FYTTD1: variants seen among roughly 807,000 people sequenced by gnomAD.
FYTTD1 encodes the protein forty-two-three domain containing 1.
Under a neutral mutation model 40.9 loss-of-function variants are expected in FYTTD1, and 22 were observed. The observed-to-expected ratio is 0.54, with a 90% CI of 0.38 to 0.77. The LOEUF is 0.77. FYTTD1 is among the 30% of genes least tolerant of loss of function. The pLI is 0.00. For missense variants in FYTTD1, 351 were observed against 392.2 expected, an observed-to-expected ratio of 0.90 and a Z score of 0.89; for synonymous variants, 140 against 137.9, an observed-to-expected ratio of 1.01 and a Z score of -0.10.
chr3:197,765,042 G>A (rs1259966052), intron 2 of FYTTD1, among the ~76,000 whole-genome samples: 2 of 151,898 alleles, frequency 1.3e-5, no homozygotes, highest in African/African-American at 2.4e-5. Context: ...TAGTAGAGAC[G>A]AGGTTTCACC....
intron 1 of FYTTD1, chr3:197,750,616 G>T: frequency 1.5e-5 from 15 of 985,400 alleles, no homozygotes; most frequent in Non-Finnish European, 1.8e-5. Context: ...TGGCTGCCGG[G>T]CGCGACTCTC....
At chr3:197,767,498 T>A (rs1394176247) in intron 2 of FYTTD1, among the ~76,000 whole-genome samples, 1 of 151,350 alleles carries the variant, frequency 6.6e-6, no homozygotes, top group Non-Finnish European at 1.5e-5. Flanking sequence ...TATTTATTTA[T>A]TTTTTAATCT....
chr3:197,757,239 C>G (rs1029696861), intron 2 of FYTTD1, among the ~76,000 whole-genome samples: 28 of 152,176 alleles, frequency 1.8e-4, no homozygotes, highest in African/African-American at 6.8e-4. Context: ...TTATAACCAT[C>G]TTGATTGAAG....
Position 197,782,725 on chromosome 3 carries a change from G to T in FYTTD1, c.*816G>T, listed in dbSNP as rs1189073099. 1 of 152,172 alleles carries T rather than the reference G, an allele frequency of 6.6e-6. No homozygotes were observed. The highest frequency in any genetic ancestry group is 2.4e-5 in the African/African-American group (1 of 41,438). The allele number at this position is 152,172 out of a possible 1,614,324, so 9.4% of individuals were successfully genotyped here. ...ACACTTCAAAACCCTGGTTATAGAT[G>T]TACTGTTTGGATGTAGCATAGTCTT... On this transcript the variant is annotated 3_prime_UTR_variant, in exon 9 of 9. Coordinates refer to ENST00000241502, the MANE Select transcript of FYTTD1 (RefSeq NM_032288.7).
intron 2 of FYTTD1, among the ~76,000 whole-genome samples, chr3:197,767,074 C>A (rs534030): frequency 0.75 from 112,214 of 149,572 alleles, 43,808 homozygotes; most frequent in East Asian, 0.94. Context: ...TTAATTTACC[C>A]CCTTTTTTTT....
intron 2 of FYTTD1, among the ~76,000 whole-genome samples, chr3:197,766,460 T>TGTGTGTGTGTGTGTGTGTGTGTGTGTG (rs56732488): frequency 1.3e-5 from 2 of 150,736 alleles, no homozygotes; most frequent in South Asian, 2.1e-4. Context: ...TGTGTGTGTG[T>TGTGTGTGTGTGTGTGTGTGTGTGTGTG]TTGAGACAGG....
chr3:197,766,678 A>C (rs1729560377), intron 2 of FYTTD1, among the ~76,000 whole-genome samples: 1 of 152,010 alleles, frequency 6.6e-6, no homozygotes, highest in Non-Finnish European at 1.5e-5. Context: ...CCTGGGCTCA[A>C]GCAATCCATC....
At chr3:197,778,214 TGAGAACA>T in intron 7 of FYTTD1, 117 bp from the exon 8 acceptor site, 1 of 630,726 alleles carries the variant, frequency 1.6e-6, no homozygotes. Context: ...ACTTTTTTTT[TGAGAACA>T]CAAATAAAAT....
At chr3:197,754,294 G>C (rs990886502) in intron 1 of FYTTD1, among the ~76,000 whole-genome samples, 1 of 152,084 alleles carries the variant, frequency 6.6e-6, no homozygotes, top group Non-Finnish European at 1.5e-5. Context: ...TTTTACAAAA[G>C]TTTTTGAGTG....
intron 2 of FYTTD1, among the ~76,000 whole-genome samples, chr3:197,758,834 C>G (rs1223196427): frequency 1.3e-5 from 2 of 152,188 alleles, no homozygotes. Flanking sequence ...AGGATGTTAG[C>G]TTGAGGTAAG....
chr3:197,768,596 A>G lies in FYTTD1; in HGVS notation c.384+9A>G. ...CACCTCTAAGTGACAAGGTAGGATG[A>G]TGGCTTAATCCTGGATTAGATATCC... On this transcript the variant is annotated intron_variant, in intron 3 of 8. Coordinates refer to ENST00000241502, the MANE Select transcript of FYTTD1 (RefSeq NM_032288.7). 2 of 1,608,724 alleles carry G rather than the reference A, an allele frequency of 1.2e-6. No homozygotes were observed. Among genetic ancestry groups the G allele is most frequent in the Non-Finnish European group, 1.7e-6 (2 of 1,176,780 alleles).
At chr3:197,768,984 C>T (rs1560497473) in intron 3 of FYTTD1, among the ~76,000 whole-genome samples, 1 of 151,614 alleles carries the variant, frequency 6.6e-6, no homozygotes, top group Non-Finnish European at 1.5e-5. Flanking sequence ...AGGCTGGTCT[C>T]GAACTCCTGA....
intron 4 of FYTTD1, among the ~76,000 whole-genome samples, chr3:197,772,284 G>A (rs1400720450): frequency 6.6e-6 from 1 of 152,190 alleles, no homozygotes; most frequent in Non-Finnish European, 1.5e-5. Flanking sequence ...TGAAAGATTG[G>A]AGGTAAGACT....
At chr3:197,756,619 T>C (rs1232398838) in intron 2 of FYTTD1, 62 bp downstream of exon 2, 1 of 1,413,416 alleles carries the variant, frequency 7.1e-7, no homozygotes. Context: ...GTGTACTGTC[T>C]TTAGCATATG....
rs28696344 is a variant in FYTTD1, at chr3:197,773,493, C to G, written c.588C>G (p.Gly196=). The G allele has an allele frequency of 6.4e-7, 1 of 1,560,780 alleles. No homozygotes were observed. ...TRQATFLFRR[G]LKVQAQLNTE... Reference sequence around the variant, plus strand: ...AGGCAACTTTTCTTTTCAGAAGAGGCCTGAAGGTATTTAAAAACTTTGGCA... The same window carrying G: ...AGGCAACTTTTCTTTTCAGAAGAGGGCTGAAGGTATTTAAAAACTTTGGCA... The change falls in exon 5 of 9, where the codon GGC becomes GGG. Residue 196 remains glycine, a synonymous_variant. Coordinates refer to ENST00000241502, the MANE Select transcript of FYTTD1 (RefSeq NM_032288.7).
chr3:197,770,390 A>G, intron 4 of FYTTD1, 146 bp downstream of exon 4: 4 of 630,610 alleles, frequency 6.3e-6, no homozygotes, highest in Non-Finnish European at 5.8e-6. Context: ...GAACATCCAC[A>G]TGGATGTATC....
chr3:197,750,606 T>C, intron 1 of FYTTD1: 2 of 984,562 alleles, frequency 2.0e-6, no homozygotes, highest in East Asian at 1.2e-4. Flanking sequence ...GCGCCGGCCA[T>C]GGCTGCCGGG....
At chr3:197,760,801 G>C (rs1729360930) in intron 2 of FYTTD1, among the ~76,000 whole-genome samples, 1 of 152,002 alleles carries the variant, frequency 6.6e-6, no homozygotes, top group Admixed American at 6.6e-5. Context: ...CTCAGTGGTA[G>C]AATGTATAGA....
chr3:197,770,315 T>A, intron 4 of FYTTD1, 71 bp downstream of exon 4: 1 of 960,572 alleles, frequency 1.0e-6, no homozygotes, highest in East Asian at 2.6e-5. Flanking sequence ...GTGTGAAGAA[T>A]GGATTTGCAG....
Sources: allele counts gnomAD v4.1 joint callset (sites outside exome capture counted in the v4.1 genomes callset), GRCh38; gene constraint gnomAD v4.1.1; transcripts MANE v1.5; gene names NCBI Gene and HGNC (gene_info 2026-07-23, HGNC 2026-07-21).